Variants in ZFHX3 observed in about 807,000 individuals in gnomAD.
ZFHX3 encodes zinc finger homeobox 3.
A neutral mutation model predicts 279.1 loss-of-function variants in ZFHX3; 42 were observed. That is an observed-to-expected ratio of 0.15 (90% CI 0.12 to 0.19). The LOEUF (loss-of-function observed/expected upper bound fraction) is 0.19. ZFHX3 is among the 10% of genes least tolerant of loss of function. ZFHX3 has a pLI of 1.00. For missense variants in ZFHX3, 4,981 were observed against 4,754.0 expected, an observed-to-expected ratio of 1.05 and a Z score of -1.40; for synonymous variants, 2,293 against 1,957.8, an observed-to-expected ratio of 1.17 and a Z score of -4.52.
At chr16:73,515,420 G>T (rs538930111) in intron 2 of ZFHX3, among the ~76,000 whole-genome samples, 6 of 151,826 alleles carry the variant, frequency 4.0e-5, no homozygotes, top group African/African-American at 1.5e-4. Context: ...CAGATGGAAG[G>T]GAGAAGACCA....
chr16:72,902,576 CA>C (rs2039065936), intron 3 of ZFHX3, among the ~76,000 whole-genome samples: 1 of 152,190 alleles, frequency 6.6e-6, no homozygotes, highest in South Asian at 2.1e-4. Context: ...AACATGGTAC[CA>C]AATTAGGTCT....
At chr16:73,880,200 C>T (rs1327436562) in intron 1 of ZFHX3, among the ~76,000 whole-genome samples, 1 of 151,972 alleles carries the variant, frequency 6.6e-6, no homozygotes, top group South Asian at 2.1e-4. Context: ...TCAGATTTGC[C>T]CCAAAAAGCA....
chr16:73,792,537 C>T (rs372536250), intron 1 of ZFHX3, among the ~76,000 whole-genome samples: 22 of 152,296 alleles, frequency 1.4e-4, no homozygotes, highest in African/African-American at 4.6e-4. Flanking sequence ...ATTGGGTTTA[C>T]GCTCGCATTT....
chr16:73,420,226 T>G (rs1291917957), intron 3 of ZFHX3: 1 of 152,220 alleles, frequency 6.6e-6, no homozygotes, highest in Admixed American at 6.5e-5. Context: ...TTTCAAATAC[T>G]TGAGGTAATA....
chr16:73,036,501 C>T (rs543611825), intron 1 of ZFHX3, among the ~76,000 whole-genome samples: 6 of 152,206 alleles, frequency 3.9e-5, no homozygotes, highest in East Asian at 1.9e-4. Flanking sequence ...CTCTATGATA[C>T]GCTTCCACTT....
At chr16:73,878,940 G>GATATATATAT (rs3082335) in intron 1 of ZFHX3, among the ~76,000 whole-genome samples, 77 of 141,034 alleles carry the variant, frequency 5.5e-4, no homozygotes, top group African/African-American at 1.6e-3. Flanking sequence ...AAAAAGATAA[G>GATATATATAT]ATATATATAT....
chr16:73,524,323 A>G (rs2019656400), intron 2 of ZFHX3, among the ~76,000 whole-genome samples: 2 of 152,226 alleles, frequency 1.3e-5, no homozygotes, highest in Admixed American at 1.3e-4. Context: ...AGAACCATAG[A>G]GATTAGCAAG....
intron 2 of ZFHX3, among the ~76,000 whole-genome samples, chr16:73,625,419 G>A (rs936671983): frequency 8.5e-5 from 13 of 152,204 alleles, no homozygotes; most frequent in Admixed American, 7.9e-4. Flanking sequence ...TTATCTTCAA[G>A]TTCAGGATTC....
chr16:73,768,421 C>G (rs2053978800), intron 1 of ZFHX3, among the ~76,000 whole-genome samples: 1 of 152,164 alleles, frequency 6.6e-6, no homozygotes, highest in African/African-American at 2.4e-5. Flanking sequence ...TATTATTAAT[C>G]AGTATTTACT....
intron 5 of ZFHX3, among the ~76,000 whole-genome samples, chr16:73,250,707 T>C (rs972003515): frequency 6.6e-6 from 1 of 151,938 alleles, no homozygotes; most frequent in Non-Finnish European, 1.5e-5. Flanking sequence ...CTAATTTTTT[T>C]GTATTTTTAG....
At chr16:73,765,979 T>G (rs2053934788) in intron 1 of ZFHX3, among the ~76,000 whole-genome samples, 1 of 152,140 alleles carries the variant, frequency 6.6e-6, no homozygotes, top group Non-Finnish European at 1.5e-5. Context: ...TTCAATACAG[T>G]TTCAGGTTTT....
At chr16:72,993,408 C>T (rs902041522) in intron 1 of ZFHX3, among the ~76,000 whole-genome samples, 2 of 152,216 alleles carry the variant, frequency 1.3e-5, no homozygotes, top group African/African-American at 4.8e-5. Flanking sequence ...TAGCTGCCTA[C>T]ATGTATTAAC....
chr16:73,445,694 T>C (rs1035616082), intron 3 of ZFHX3, among the ~76,000 whole-genome samples: 1 of 152,304 alleles, frequency 6.6e-6, no homozygotes, highest in Middle Eastern at 3.4e-3. Context: ...TTCCAACTTC[T>C]GGAGTCTCAT....
rs987710465 is a variant in ZFHX3, at chr16:73,221,267, C to CA, written c.-1104+35779dup. ...CCCATCGTATAAAATTTGTAAACTG[C>CA]AAAAAAATACAAAGAAAAGTCACTG... On this transcript the variant is annotated intron_variant, in intron 5 of 17. Coordinates refer to the ZFHX3 transcript ENST00000641206. 7.9e-5 allele frequency among the ~76,000 whole-genome samples: 12 copies of CA among 151,680 alleles called. 1 individual carries two copies. Among genetic ancestry groups the CA allele is most frequent in the Non-Finnish European group, 7.4e-5 (5 of 67,914 alleles).
chr16:73,066,682 C>T (rs2099916751), intron 8 of ZFHX3, among the ~76,000 whole-genome samples: 1 of 152,212 alleles, frequency 6.6e-6, no homozygotes, highest in African/African-American at 2.4e-5. Flanking sequence ...GGGACCGCCC[C>T]AGCAGTGGTC....
chr16:73,688,246 A>G (rs915321333), intron 1 of ZFHX3, among the ~76,000 whole-genome samples: 8 of 151,084 alleles, frequency 5.3e-5, no homozygotes, highest in African/African-American at 1.7e-4. Flanking sequence ...AATCTCAGCT[A>G]CTCAGGAGGC....
At chr16:73,305,818 G>A (rs2015167979) in intron 4 of ZFHX3, among the ~76,000 whole-genome samples, 2 of 152,160 alleles carry the variant, frequency 1.3e-5, no homozygotes, top group South Asian at 4.2e-4. Flanking sequence ...AATATTTTAT[G>A]TTATAGGCCA....
intron 1 of ZFHX3, among the ~76,000 whole-genome samples, chr16:73,784,971 G>T (rs1488061787): frequency 2.0e-5 from 3 of 151,508 alleles, no homozygotes; most frequent in Non-Finnish European, 4.4e-5. Flanking sequence ...TGTTTCTTCT[G>T]GTATTTGCCT....
At chr16:73,464,390 C>T (rs1171783357) in intron 2 of ZFHX3, among the ~76,000 whole-genome samples, 2 of 151,398 alleles carry the variant, frequency 1.3e-5, no homozygotes, top group African/African-American at 4.9e-5. Flanking sequence ...TAAAAGGAGA[C>T]TTTATTCATT....
Sources: gnomAD v4.1 joint callset for allele counts (sites outside exome capture counted in the v4.1 genomes callset) on GRCh38, gnomAD v4.1.1 for gene constraint, MANE v1.5 for transcripts, NCBI Gene and HGNC (gene_info 2026-07-23, HGNC 2026-07-21) for gene names.